The following PPP2R2B variants were observed in gnomAD, a reference collection of about 807,000 sequenced individuals.
PPP2R2B encodes the protein serine/threonine-protein phosphatase 2A 55 kDa regulatory subunit B beta isoform.
Under a neutral mutation model 46.0 loss-of-function variants are expected in PPP2R2B, and 5 were observed. That is an observed-to-expected ratio of 0.11 (90% CI 0.06 to 0.23). The LOEUF (loss-of-function observed/expected upper bound fraction) is 0.23. Ranked by LOEUF, PPP2R2B falls within the 10% of genes least tolerant of loss-of-function variation. The probability of loss-of-function intolerance (pLI) is 1.00; values close to 1 mark genes in which losing one functional copy is unlikely to be tolerated. For synonymous variants in PPP2R2B, 215 were observed against 206.7 expected, an observed-to-expected ratio of 1.04 and a Z score of -0.34; for missense variants, 367 against 575.0, an observed-to-expected ratio of 0.64 and a Z score of 3.70.
At chr5:147,072,803 T>C (rs111580764) in intron 2 of PPP2R2B, among the ~76,000 whole-genome samples, 2 of 152,238 alleles carry the variant, frequency 1.3e-5, no homozygotes, top group African/African-American at 4.8e-5. Flanking sequence ...CCAGGGAACC[T>C]GAGCAAATAG....
chr5:146,863,624 C>T (rs1203025881), intron 2 of PPP2R2B, among the ~76,000 whole-genome samples: 1 of 151,118 alleles, frequency 6.6e-6, no homozygotes, highest in Non-Finnish European at 1.5e-5. Context: ...ATCCATTCAA[C>T]TGCCCATCCA....
intron 2 of PPP2R2B, among the ~76,000 whole-genome samples, chr5:147,065,946 T>C (rs1442991397): frequency 6.6e-6 from 1 of 152,076 alleles, no homozygotes; most frequent in East Asian, 1.9e-4. Flanking sequence ...TAGGATGTAT[T>C]ATTCTCAGGA....
intron 7 of PPP2R2B, among the ~76,000 whole-genome samples, chr5:146,624,865 C>T (rs1773941897): frequency 6.6e-6 from 1 of 152,206 alleles, no homozygotes; most frequent in Admixed American, 6.5e-5. Flanking sequence ...AGCTGGTCAT[C>T]TTTCTGCCCT....
At chr5:146,920,968 C>T (rs562039335) in intron 1 of PPP2R2B, among the ~76,000 whole-genome samples, 7 of 152,302 alleles carry the variant, frequency 4.6e-5, no homozygotes, top group Non-Finnish European at 8.8e-5. Flanking sequence ...GTAAGTACAT[C>T]TCTAAATTAA....
intron 1 of PPP2R2B, among the ~76,000 whole-genome samples, chr5:146,981,029 T>C (rs1403056570): frequency 1.3e-5 from 2 of 152,192 alleles, no homozygotes; most frequent in Admixed American, 6.5e-5. Flanking sequence ...TCAGTGAAAC[T>C]TCAGAACATT....
At chr5:146,645,775 A>G (rs1304625725) in intron 6 of PPP2R2B, among the ~76,000 whole-genome samples, 2 of 152,192 alleles carry the variant, frequency 1.3e-5, no homozygotes, top group African/African-American at 4.8e-5. Flanking sequence ...TAAGTCCTCT[A>G]TCTCATATTC....
At chr5:146,872,657 A>C (rs1015952079) in intron 2 of PPP2R2B, among the ~76,000 whole-genome samples, 1 of 152,194 alleles carries the variant, frequency 6.6e-6, no homozygotes, top group African/African-American at 2.4e-5. Flanking sequence ...GTATTTCACA[A>C]ATCACTCAGA....
chr5:147,016,501 T>G (rs1356954783), intron 1 of PPP2R2B, among the ~76,000 whole-genome samples: 2 of 12,632 alleles, frequency 1.6e-4, no homozygotes, highest in African/African-American at 1.3e-3. Flanking sequence ...AAAGGACTTG[T>G]AGTTAAAAAA....
At chr5:146,650,442 C>T (rs1431488346) in intron 6 of PPP2R2B, 105 bp downstream of exon 6, 3 of 1,056,802 alleles carry the variant, frequency 2.8e-6, no homozygotes, top group South Asian at 3.4e-5. Flanking sequence ...AAGTTCTCCG[C>T]AAATGCTAGG....
At position 146,905,224 on chromosome 5, in the gene PPP2R2B, T is replaced by A. The variant is rs1396220490; in HGVS notation, c.79+150441A>T. On this transcript the variant is annotated intron_variant, in intron 1 of 8. Transcript: ENST00000336640. Reference sequence around the variant, plus strand: ...GTGGAAAATGGAACACTGGAAAATATTTGTTATTCCCCTATAAAATTAAAC... The same window carrying A: ...GTGGAAAATGGAACACTGGAAAATAATTGTTATTCCCCTATAAAATTAAAC... 2.6e-5 allele frequency among the ~76,000 whole-genome samples: 4 copies of A among 152,242 alleles called. No individual in the cohort carries two copies. The South Asian group carries it at 8.3e-4, about 32-fold the overall frequency.
At chr5:147,074,215 G>C (rs1039826787) in intron 2 of PPP2R2B, among the ~76,000 whole-genome samples, 17 of 152,152 alleles carry the variant, frequency 1.1e-4, no homozygotes, top group Non-Finnish European at 2.1e-4. Flanking sequence ...TCCTGCCTAA[G>C]GTCACTAAGT....
At chr5:146,858,010 A>C (rs1237432515) in intron 2 of PPP2R2B, among the ~76,000 whole-genome samples, 1 of 152,224 alleles carries the variant, frequency 6.6e-6, no homozygotes, top group Admixed American at 6.5e-5. Context: ...ATTAATAAAA[A>C]TACAGCTTAA....
At chr5:146,659,467 TTGC>T (rs1352967640) in intron 5 of PPP2R2B, among the ~76,000 whole-genome samples, 1 of 152,172 alleles carries the variant, frequency 6.6e-6, no homozygotes, top group Admixed American at 6.6e-5. Context: ...GGCCTTGGGT[TTGC>T]TGCTTAGTCT....
chr5:146,933,022 A>C lies in PPP2R2B; in HGVS notation c.79+122643T>G, dbSNP rs1764016899. Among the ~76,000 whole-genome samples, 2 of 152,180 alleles carry C rather than the reference A, an allele frequency of 1.3e-5. 1 individual carries two copies. The highest frequency in any genetic ancestry group is 2.9e-5 in the Non-Finnish European group (2 of 68,032). Reference sequence around the variant, plus strand: ...CCTGTACCAGCACTAAGCATGCTAAAATATTCACGTGGGAATTATATCATA... The same window carrying C: ...CCTGTACCAGCACTAAGCATGCTAACATATTCACGTGGGAATTATATCATA... On this transcript the variant is annotated intron_variant, in intron 1 of 8. Coordinates refer to the PPP2R2B transcript ENST00000336640.
chr5:146,899,936 G>C (rs1305493795), intron 1 of PPP2R2B, among the ~76,000 whole-genome samples: 2 of 152,098 alleles, frequency 1.3e-5, no homozygotes, highest in Non-Finnish European at 2.9e-5. Flanking sequence ...GAAAACACAG[G>C]CCATATCTAT....
intron 1 of PPP2R2B, among the ~76,000 whole-genome samples, chr5:146,921,471 C>CTT (rs1763606284): frequency 6.6e-6 from 1 of 152,188 alleles, no homozygotes; most frequent in Admixed American, 6.5e-5. Context: ...CTAGAGCACA[C>CTT]GTGCTTATGC....
chr5:146,922,374 T>C, intron 1 of PPP2R2B: 1 of 152,358 alleles, frequency 6.6e-6, no homozygotes, highest in Non-Finnish European at 1.5e-5. Flanking sequence ...CCCTCCTAGC[T>C]CAGAGACTGC....
chr5:146,608,125 G>A (rs556130401), intron 7 of PPP2R2B, among the ~76,000 whole-genome samples: 1 of 152,296 alleles, frequency 6.6e-6, no homozygotes, highest in Admixed American at 6.5e-5. Flanking sequence ...CCTGATAATG[G>A]TGTTTGAGGG....
At chr5:146,994,837 A>G (rs1245444812) in intron 1 of PPP2R2B, among the ~76,000 whole-genome samples, 2 of 152,230 alleles carry the variant, frequency 1.3e-5, no homozygotes, top group Non-Finnish European at 2.9e-5. Flanking sequence ...GTGGTAGTCA[A>G]GACAGACATA....
Sources: allele counts gnomAD v4.1 joint callset (sites outside exome capture counted in the v4.1 genomes callset), GRCh38; gene constraint gnomAD v4.1.1; transcripts MANE v1.5; gene names NCBI Gene and HGNC (gene_info 2026-07-23, HGNC 2026-07-21).